The following PRKN variants were observed in gnomAD, a reference collection of about 807,000 sequenced individuals.
PRKN encodes E3 ubiquitin-protein ligase parkin.
In PRKN, 56 loss-of-function variants were observed where a neutral mutation model predicts 59.5. The observed-to-expected ratio is 0.94, with a 90% CI of 0.76 to 1.18. PRKN has a LOEUF of 1.18. PRKN is among the 50% of genes most tolerant of loss of function. The probability of loss-of-function intolerance (pLI) is 0.00; values close to 1 mark genes in which losing one functional copy is unlikely to be tolerated. For missense variants in PRKN, 657 were observed against 596.4 expected (o/e 1.10, Z -1.06); for synonymous variants, 250 against 222.1 (o/e 1.13, Z -1.12).
chr6:162,450,332 CCT>C (rs1000658820), intron 1 of PRKN, among the ~76,000 whole-genome samples: 2 of 98,856 alleles, frequency 2.0e-5, no homozygotes, highest in African/African-American at 3.0e-5. Flanking sequence ...TGTAAACGCC[CCT>C]GTGATTGTAA....
At chr6:162,146,923 G>C (rs1166521196) in intron 4 of PRKN, among the ~76,000 whole-genome samples, 1 of 151,848 alleles carries the variant, frequency 6.6e-6, no homozygotes, top group African/African-American at 2.4e-5. Context: ...TAGAGACAGG[G>C]TTTCACAGTA....
chr6:161,967,849 C>T (rs1406329198), intron 6 of PRKN, among the ~76,000 whole-genome samples: 1 of 152,074 alleles, frequency 6.6e-6, no homozygotes, highest in South Asian at 2.1e-4. Flanking sequence ...ACTTGTGAGC[C>T]TTTAGATAGT....
At chr6:162,042,383 C>G (rs138485300) in intron 5 of PRKN, among the ~76,000 whole-genome samples, 1 of 152,002 alleles carries the variant, frequency 6.6e-6, no homozygotes, top group East Asian at 1.9e-4. Flanking sequence ...ACTCCACCTC[C>G]GGGGCTAAAG....
intron 2 of PRKN, among the ~76,000 whole-genome samples, chr6:162,437,832 G>A (rs1016893368): frequency 6.6e-6 from 1 of 152,108 alleles, no homozygotes; most frequent in African/African-American, 2.4e-5. Context: ...CAGATCCACT[G>A]AAAGACATCA....
intron 5 of PRKN, among the ~76,000 whole-genome samples, chr6:162,006,387 T>C (rs966289437): frequency 6.6e-6 from 1 of 152,188 alleles, no homozygotes; most frequent in African/African-American, 2.4e-5. Flanking sequence ...ACATTCAACA[T>C]TGTGCACTCA....
chr6:162,353,551 T>G (rs1784713442), intron 2 of PRKN, among the ~76,000 whole-genome samples: 1 of 152,172 alleles, frequency 6.6e-6, no homozygotes, highest in African/African-American at 2.4e-5. Flanking sequence ...ATACTTAATT[T>G]TTTGAAGAAT....
At chr6:162,159,294 C>T (rs1158097426) in intron 4 of PRKN, among the ~76,000 whole-genome samples, 1 of 152,120 alleles carries the variant, frequency 6.6e-6, no homozygotes, top group Non-Finnish European at 1.5e-5. Context: ...TCTTATAGAC[C>T]TGGCCATATT....
intron 9 of PRKN, among the ~76,000 whole-genome samples, chr6:161,426,368 A>C (rs570856637): frequency 2.6e-5 from 4 of 152,066 alleles, no homozygotes; most frequent in African/African-American, 9.7e-5. Flanking sequence ...TGGGCTGGGG[A>C]AGGCAGACCC....
intron 1 of PRKN, among the ~76,000 whole-genome samples, chr6:162,498,439 CT>C (rs34333763): frequency 0.065 from 811 of 12,428 alleles, 50 homozygotes; most frequent in African/African-American, 0.2. Context: ...TTTCCTTTTT[CT>C]TTTTTTTTTT....
intron 9 of PRKN, among the ~76,000 whole-genome samples, chr6:161,441,902 C>G (rs6901962): frequency 0.044 from 6,701 of 152,074 alleles, 388 homozygotes; most frequent in African/African-American, 0.13. Flanking sequence ...TGGCGGCTGG[C>G]AAAGGGGCTA....
rs1196935248 is a variant in PRKN at position 161,396,533 on chromosome 6, T to C, written c.1084-9656A>G. On this transcript the variant is annotated intron_variant, in intron 9 of 11. Coordinates refer to ENST00000366898, the MANE Select transcript of PRKN (RefSeq NM_004562.3). This position sits in a 1 kb window ranked among gnomAD's most constrained non-coding sequence, Gnocchi z 5.4. ...ATTCATTAGTGGGCCCATTCAAATA[T>C]TGCCATTAATTAGTGAACATGTTTG... Among the ~76,000 whole-genome samples the C allele has an allele frequency of 1.3e-5, 2 of 152,166 alleles. No homozygotes were observed. The highest frequency in any genetic ancestry group is 2.1e-4 in the South Asian group (1 of 4,830).
intron 2 of PRKN, among the ~76,000 whole-genome samples, chr6:162,396,170 C>T (rs1787465192): frequency 1.3e-5 from 2 of 152,224 alleles, no homozygotes; most frequent in East Asian, 1.9e-4. Context: ...TGCTGCTGGG[C>T]CATTTTGTTT....
intron 4 of PRKN, among the ~76,000 whole-genome samples, chr6:162,079,608 A>G (rs149675576): frequency 6.6e-6 from 1 of 152,006 alleles, no homozygotes; most frequent in Non-Finnish European, 1.5e-5. Context: ...ATTTCAGGAC[A>G]GTTTATGCTC....
rs10712151 is a variant in PRKN, at chr6:162,677,466, G to GA, written c.7+50195dup. ...TCCCCACCGTGAAAAGCACTGTGGA[G>GA]AAAAAAAAAAAAAAAAAAAAAACAC... On this transcript the variant is annotated intron_variant, in intron 1 of 11. Transcript: ENST00000366898. Among the ~76,000 whole-genome samples, 349 of 91,304 alleles carry GA rather than the reference G, an allele frequency of 3.8e-3. 4 individuals carry two copies. The highest frequency in any genetic ancestry group is 8.1e-3 in the South Asian group (18 of 2,216). The allele number at this position is 91,304 out of a possible 152,430, so 59.9% of individuals were successfully genotyped here.
At chr6:161,887,595 T>A (rs774400087) in intron 6 of PRKN, among the ~76,000 whole-genome samples, 1 of 151,656 alleles carries the variant, frequency 6.6e-6, no homozygotes, top group South Asian at 2.1e-4. Flanking sequence ...TCAACAATGT[T>A]AGGGGTCACC....
chr6:162,429,176 C>G (rs1011320175), intron 2 of PRKN, among the ~76,000 whole-genome samples: 2 of 152,154 alleles, frequency 1.3e-5, no homozygotes, highest in Non-Finnish European at 2.9e-5. Flanking sequence ...GAAGTCTAAA[C>G]AAAAGCCATC....
At chr6:162,065,410 T>C (rs1778289213) in intron 4 of PRKN, among the ~76,000 whole-genome samples, 1 of 152,180 alleles carries the variant, frequency 6.6e-6, no homozygotes, top group African/African-American at 2.4e-5. Flanking sequence ...TTTGGTTTGC[T>C]TTGTTCTAGC....
In PRKN at chr6:162,217,597, G is replaced by C. The variant is rs139868122; in HGVS notation, c.413-16345C>G. ...AGTAGAGATGGGGTTTCACCATGTT[G>C]GTCAGGCTGGTTTCGAACTCCTGAC... On this transcript the variant is annotated intron_variant, in intron 3 of 11. Transcript: ENST00000366898. Among the ~76,000 whole-genome samples, 752 of 152,170 alleles carry C rather than the reference G, an allele frequency of 4.9e-3. 13 individuals carry two copies. In the East Asian group the frequency reaches 0.066, roughly 13 times the overall value.
At position 161,428,912 on chromosome 6, in the gene PRKN, T is replaced by G. The variant is rs541370326; in HGVS notation, c.1084-42035A>C. Reference sequence around the variant, plus strand: ...CTGACCTATGGCTAGGGGTCCCTGGTTTCTCCCACCTTCTTCCTGATGGCC... The same window carrying G: ...CTGACCTATGGCTAGGGGTCCCTGGGTTCTCCCACCTTCTTCCTGATGGCC... On this transcript the variant is annotated intron_variant, in intron 9 of 11. Coordinates refer to ENST00000366898, the MANE Select transcript of PRKN (RefSeq NM_004562.3). This position sits in a 1 kb window ranked among gnomAD's most constrained non-coding sequence, Gnocchi z 4.0. 6.6e-6 allele frequency among the ~76,000 whole-genome samples: 1 copy of G among 152,274 alleles called. No homozygotes were observed. Among genetic ancestry groups the G allele is most frequent in the Admixed American group, 6.5e-5 (1 of 15,288 alleles).
Sources: allele counts gnomAD v4.1 joint callset (sites outside exome capture counted in the v4.1 genomes callset), GRCh38; gene constraint gnomAD v4.1.1; non-coding constraint Gnocchi (gnomAD v3.1); transcripts MANE v1.5; gene names NCBI Gene and HGNC (gene_info 2026-07-23, HGNC 2026-07-21).